PER3: variants seen among roughly 807,000 people sequenced by gnomAD.
PER3 encodes period circadian protein homolog 3.
In PER3, 107 loss-of-function variants were observed where a neutral mutation model predicts 127.2. The ratio of observed to expected loss-of-function variants is 0.84; its 90% CI spans 0.72 to 0.99. The LOEUF (loss-of-function observed/expected upper bound fraction) is 0.99. Ranked by LOEUF, PER3 falls within the 50% of genes least tolerant of loss-of-function variation. PER3 has a pLI of 0.00. For synonymous variants in PER3, 618 were observed against 585.8 expected, an observed-to-expected ratio of 1.05 and a Z score of -0.79; for missense variants, 1,560 against 1,525.8, an observed-to-expected ratio of 1.02 and a Z score of -0.37.
In PER3 at chr1:7,784,665, G is replaced by C; in HGVS notation, c.-213G>C. On this transcript the variant is annotated 5_prime_UTR_variant, in exon 2 of 22. Coordinates refer to ENST00000377532, the MANE Select transcript of PER3 (RefSeq NM_001377275.1). ...TCTCCTCCCCCTAGGCCGGAGTCCT[G>C]AAAGTCGAGCGAGCTCCGGGTTTTG... is the stretch of plus-strand genomic sequence containing the variant. 1 of 475,632 alleles carries C rather than the reference G, an allele frequency of 2.1e-6. No homozygotes were observed. The highest frequency in any genetic ancestry group is 3.6e-6 in the Non-Finnish European group (1 of 276,506). 29.5% of individuals were successfully genotyped at this position (475,632 alleles called of 1,614,324 possible).
chr1:7,785,869 C>T (rs1435721490), intron 3 of PER3, among the ~76,000 whole-genome samples: 1 of 152,154 alleles, frequency 6.6e-6, no homozygotes, highest in Non-Finnish European at 1.5e-5. Flanking sequence ...TGAAGGCTGA[C>T]CTTTTAAAGA....
In PER3 at chr1:7,826,548, G is replaced by T; in HGVS notation, c.2026G>T (p.Glu676Ter). Residue 676 changes from glutamate (E) to a stop codon, truncating the protein, a stop_gained, in exon 17 of 22, where the codon GAA (glutamate) becomes TAA (stop). Coordinates refer to ENST00000377532, the MANE Select transcript of PER3 (RefSeq NM_001377275.1). LOFTEE classifies it high-confidence loss of function. This position sits in a 1 kb window ranked among gnomAD's most constrained non-coding sequence, Gnocchi z 4.2. The part of the protein sequence containing the change: ...NMQPAPLTSE[E>*]FKHVGLTAAV... The stretch of plus-strand genomic sequence containing the variant: ...GCAGCCAGCCCCTTTGACCTCGGAA[G>T]AATTTAAACACGTGGGGCTCACAGC... 1 of 1,614,058 alleles carries T rather than the reference G, an allele frequency of 6.2e-7. No homozygotes were observed. Among genetic ancestry groups the T allele is most frequent in the Non-Finnish European group, 8.5e-7 (1 of 1,179,942 alleles).
intron 10 of PER3, among the ~76,000 whole-genome samples, chr1:7,808,665 T>C (rs228666): frequency 0.3 from 46,185 of 152,092 alleles, 7,566 homozygotes; most frequent in Admixed American, 0.46. Context: ...ACTGAAACCA[T>C]TACAGAAAGA....
At chr1:7,789,431 G>A (rs1002946359) in intron 5 of PER3, among the ~76,000 whole-genome samples, 6 of 152,108 alleles carry the variant, frequency 3.9e-5, no homozygotes, top group African/African-American at 1.4e-4. Flanking sequence ...CTCTGCACAA[G>A]CTCTCTCTCT....
At chr1:7,803,940 A>G (rs2097181654) in intron 10 of PER3, 92 bp downstream of exon 10, 2 of 972,336 alleles carry the variant, frequency 2.1e-6, no homozygotes, top group East Asian at 4.9e-5. Context: ...CAATTGACAC[A>G]TAAACTAAAT....
At chr1:7,834,234 C>A (rs980794295) in intron 19 of PER3, among the ~76,000 whole-genome samples, 3 of 151,476 alleles carry the variant, frequency 2.0e-5, no homozygotes. Context: ...CTAGGTTGTA[C>A]AATGCACATC....
At chr1:7,790,279 A>G (rs904582423) in intron 5 of PER3, among the ~76,000 whole-genome samples, 3 of 152,220 alleles carry the variant, frequency 2.0e-5, no homozygotes, top group African/African-American at 7.2e-5. Context: ...GGGAGGCCTC[A>G]GGAAACTTAC....
At position 7,809,881 on chromosome 1, in the gene PER3, T is replaced by G. The variant is rs2097211527; in HGVS notation, c.1243-12T>G. 3.1e-6 allele frequency: 5 copies of G among 1,612,902 alleles called. No homozygotes were observed. The highest frequency in any genetic ancestry group is 1.3e-5 in the African/African-American group (1 of 74,894). On this transcript the variant is annotated splice_polypyrimidine_tract_variant and intron_variant, in intron 11 of 21. Coordinates refer to ENST00000377532, the MANE Select transcript of PER3 (RefSeq NM_001377275.1). ...CCAGCAATTCTGGACTTGTTCCTCT[T>G]TGTCCTTCCAGCCAGTTCACGTGAG...
At chr1:7,788,890 G>A (rs1054045748) in intron 5 of PER3, among the ~76,000 whole-genome samples, 22 of 138,784 alleles carry the variant, frequency 1.6e-4, no homozygotes, top group Admixed American at 8.5e-4. Flanking sequence ...GGCGACAAGC[G>A]TGAAACTGTT....
intron 19 of PER3, among the ~76,000 whole-genome samples, chr1:7,835,412 A>G (rs1488575738): frequency 1.3e-5 from 2 of 152,240 alleles, no homozygotes; most frequent in Non-Finnish European, 2.9e-5. Context: ...GGACTCCACT[A>G]CAGGAAGACT....
intron 6 of PER3, among the ~76,000 whole-genome samples, chr1:7,795,722 T>A (rs2097142413): frequency 6.6e-6 from 1 of 152,224 alleles, no homozygotes; most frequent in Non-Finnish European, 1.5e-5. Context: ...GCACGAAGTG[T>A]TTTATTTCAG....
At position 7,815,946 on chromosome 1, in the gene PER3, T is replaced by TCCCACCAC. The variant is rs566220814; in HGVS notation, c.1523-3338_1523-3331dup. Among the ~76,000 whole-genome samples the TCCCACCAC allele has an allele frequency of 5.7e-3, 684 of 119,212 alleles. 8 individuals carry two copies. The highest frequency in any genetic ancestry group is 0.022 in the African/African-American group (655 of 30,328). The allele number at this position is 119,212 out of a possible 152,430, so 78.2% of individuals were successfully genotyped here. ...AGGTGGAACTTGCAGTGAGCCAAGA[T>TCCCACCAC]CCCACCACTGCACTCCAGCCTGGGC... On this transcript the variant is annotated intron_variant, in intron 13 of 21. Coordinates refer to ENST00000377532, the MANE Select transcript of PER3 (RefSeq NM_001377275.1).
intron 13 of PER3, among the ~76,000 whole-genome samples, chr1:7,817,653 G>A (rs1301089026): frequency 2.0e-5 from 3 of 152,140 alleles, no homozygotes; most frequent in African/African-American, 2.4e-5. Context: ...CTGGATTGGC[G>A]CGAACAGTTT....
chr1:7,795,559 G>A (rs1286895563), intron 6 of PER3, among the ~76,000 whole-genome samples: 6 of 152,216 alleles, frequency 3.9e-5, no homozygotes, highest in African/African-American at 1.4e-4. Flanking sequence ...TGTGTTCCAG[G>A]CAGAGGGAGC....
At chr1:7,832,543 T>C (rs568708930) in intron 19 of PER3, among the ~76,000 whole-genome samples, 1 of 151,930 alleles carries the variant, frequency 6.6e-6, no homozygotes, top group East Asian at 1.9e-4. Context: ...CCAGTTGATT[T>C]TTTGTATTTT....
rs371535134 is a variant in PER3, at chr1:7,809,901, C to T, written c.1251C>T (p.His417=). 7.4e-6 allele frequency: 12 copies of T among 1,613,958 alleles called. No individual in the cohort carries two copies. The highest frequency in any genetic ancestry group is 5.0e-5 in the Admixed American group (3 of 59,988). Residue 417 remains histidine (H), a synonymous_variant, in exon 12 of 22, where the codon CAC becomes CAT. Transcript: ENST00000377532. ...QIYKLLLQPV[H]VSVSSGYGSL... is the part of the protein sequence containing the mutation. ...CCTCTTTGTCCTTCCAGCCAGTTCA[C>T]GTGAGCGTGTCCAGCGGCTACGGGA...
intron 16 of PER3, among the ~76,000 whole-genome samples, chr1:7,823,198 G>T (rs1352574700): frequency 6.6e-6 from 1 of 152,208 alleles, no homozygotes; most frequent in Non-Finnish European, 1.5e-5. Flanking sequence ...GGAAAAAGAT[G>T]CACAAGTGAA....
At chr1:7,832,167 A>G (rs2097334201) in intron 19 of PER3, among the ~76,000 whole-genome samples, 1 of 152,094 alleles carries the variant, frequency 6.6e-6, no homozygotes, top group Non-Finnish European at 1.5e-5. Flanking sequence ...ATATTGGCAT[A>G]AAGTTTTTAA....
chr1:7,815,946 T>C (rs1290242022), intron 13 of PER3, among the ~76,000 whole-genome samples: 3 of 119,184 alleles, frequency 2.5e-5, no homozygotes, highest in Admixed American at 1.2e-4. Context: ...TGAGCCAAGA[T>C]CCCACCACTG....
Sources: allele counts gnomAD v4.1 joint callset (sites outside exome capture counted in the v4.1 genomes callset), GRCh38; gene constraint gnomAD v4.1.1; non-coding constraint Gnocchi (gnomAD v3.1); transcripts MANE v1.5; gene names NCBI Gene and HGNC (gene_info 2026-07-23, HGNC 2026-07-21).